The following PLCB1 variants were observed in gnomAD, a reference collection of about 807,000 sequenced individuals.
The protein encoded by PLCB1 is 1-phosphatidylinositol 4,5-bisphosphate phosphodiesterase beta-1.
Under a neutral mutation model 161.8 loss-of-function variants are expected in PLCB1, and 46 were observed. That is an observed-to-expected ratio of 0.28 (90% CI 0.22 to 0.36). The LOEUF is 0.36. PLCB1 is among the 10% of genes least tolerant of loss of function. The pLI is 1.00. For synonymous variants in PLCB1, 517 were observed against 503.7 expected (o/e 1.03, Z -0.35); for missense variants, 1,016 against 1,472.5 (o/e 0.69, Z 5.07).
chr20:8,233,034 G>A (rs184270397), intron 2 of PLCB1, among the ~76,000 whole-genome samples: 166 of 152,208 alleles, frequency 1.1e-3, no homozygotes, highest in Non-Finnish European at 1.7e-3. Flanking sequence ...CACACTCTTG[G>A]TCCTAGGCAG....
At chr20:8,179,097 G>GA (rs1304286742) in intron 2 of PLCB1, among the ~76,000 whole-genome samples, 2 of 152,132 alleles carry the variant, frequency 1.3e-5, no homozygotes, top group Non-Finnish European at 2.9e-5. Context: ...TTTTGCTTAG[G>GA]ATTGCTTTGG....
At chr20:8,841,276 G>T (rs1295741408) in intron 31 of PLCB1, among the ~76,000 whole-genome samples, 1 of 152,220 alleles carries the variant, frequency 6.6e-6, no homozygotes, top group Non-Finnish European at 1.5e-5. Context: ...TCCTTAAAAT[G>T]TGTGAGTAAT....
intron 3 of PLCB1, among the ~76,000 whole-genome samples, chr20:8,465,250 T>A (rs1373064103): frequency 1.3e-5 from 2 of 152,092 alleles, no homozygotes; most frequent in Non-Finnish European, 2.9e-5. Flanking sequence ...TCCACAGAGG[T>A]AGAGGTGGGA....
intron 25 of PLCB1, among the ~76,000 whole-genome samples, chr20:8,761,790 C>T (rs958016853): frequency 1.3e-5 from 2 of 151,340 alleles, no homozygotes; most frequent in Admixed American, 6.6e-5. Context: ...GACGGTGATT[C>T]GCCACGTTGG....
intron 3 of PLCB1, among the ~76,000 whole-genome samples, chr20:8,476,531 T>C (rs1436229149): frequency 6.6e-6 from 1 of 152,228 alleles, no homozygotes; most frequent in African/African-American, 2.4e-5. Context: ...AGATACTATA[T>C]TAAAACTATC....
At position 8,884,279 on chromosome 20, in the gene PLCB1, A is replaced by T. The variant is rs574671051; in HGVS notation, c.*2430A>T. Reference sequence around the variant, plus strand: ...TTAATATTACTTGAAATAGACTAAGATAAAGAAAAGGGGTCTGTATGATGT... The same window carrying T: ...TTAATATTACTTGAAATAGACTAAGTTAAAGAAAAGGGGTCTGTATGATGT... On this transcript the variant is annotated 3_prime_UTR_variant, in exon 32 of 32. Transcript: ENST00000338037. 1 of 152,726 alleles carries T rather than the reference A, an allele frequency of 6.5e-6. No homozygotes were observed. Among genetic ancestry groups the T allele is most frequent in the East Asian group, 1.9e-4 (1 of 5,190 alleles). 9.5% of individuals were successfully genotyped at this position (152,726 alleles called of 1,614,324 possible).
At chr20:8,830,389 T>C (rs1222729768) in intron 31 of PLCB1, among the ~76,000 whole-genome samples, 1 of 152,226 alleles carries the variant, frequency 6.6e-6, no homozygotes, top group Non-Finnish European at 1.5e-5. Context: ...GCTCCAGCTT[T>C]TGTTTTAGCA....
chr20:8,644,891 G>A (rs1429430221), intron 4 of PLCB1, among the ~76,000 whole-genome samples: 3 of 152,224 alleles, frequency 2.0e-5, no homozygotes, highest in Non-Finnish European at 2.9e-5. Flanking sequence ...AGAAAGGGGG[G>A]AAAGGTGGGG....
chr20:8,416,247 C>G (rs1350226594), intron 3 of PLCB1, among the ~76,000 whole-genome samples: 4 of 152,028 alleles, frequency 2.6e-5, no homozygotes, highest in Admixed American at 2.6e-4. Context: ...TTTTTCTGAT[C>G]TTTGTATGCA....
chr20:8,422,801 G>A (rs1029392387), intron 3 of PLCB1, among the ~76,000 whole-genome samples: 3 of 152,184 alleles, frequency 2.0e-5, no homozygotes, highest in Admixed American at 1.3e-4. Flanking sequence ...CCAGATGGCA[G>A]AGGGGGCTGT....
At chr20:8,238,178 G>T (rs1480726429) in intron 2 of PLCB1, among the ~76,000 whole-genome samples, 4 of 152,046 alleles carry the variant, frequency 2.6e-5, no homozygotes, top group African/African-American at 7.2e-5. Context: ...CTTGGAGGGT[G>T]TTGGTGGGAA....
chr20:8,321,600 T>G (rs922943704), intron 2 of PLCB1, among the ~76,000 whole-genome samples: 2 of 152,176 alleles, frequency 1.3e-5, no homozygotes, highest in Non-Finnish European at 2.9e-5. Context: ...TTAAGTATTT[T>G]ACCGGTACCC....
At chr20:8,272,383 G>T (rs563240679) in intron 2 of PLCB1, among the ~76,000 whole-genome samples, 2 of 151,834 alleles carry the variant, frequency 1.3e-5, no homozygotes, top group South Asian at 4.2e-4. Context: ...ACAAAAGATA[G>T]AAAAAAAATC....
intron 31 of PLCB1, among the ~76,000 whole-genome samples, chr20:8,834,682 G>A (rs2146282583): frequency 6.6e-6 from 1 of 152,042 alleles, no homozygotes; most frequent in African/African-American, 2.4e-5. Flanking sequence ...GGGTGTGGTG[G>A]TGCATGCCTG....
chr20:8,734,111 G>A (rs1336994074), intron 19 of PLCB1, among the ~76,000 whole-genome samples: 1 of 109,178 alleles, frequency 9.2e-6, no homozygotes, highest in African/African-American at 3.6e-5. Flanking sequence ...CTGGGCGACA[G>A]AGCGAGAGAG....
chr20:8,633,349 G>A (rs535464412), intron 4 of PLCB1, among the ~76,000 whole-genome samples: 39 of 152,204 alleles, frequency 2.6e-4, no homozygotes, highest in African/African-American at 6.0e-4. Context: ...TTTTGGTTAC[G>A]TTCAGTTTGA....
intron 19 of PLCB1, among the ~76,000 whole-genome samples, chr20:8,735,772 A>G (rs1438887748): frequency 6.6e-6 from 1 of 152,170 alleles, no homozygotes; most frequent in Non-Finnish European, 1.5e-5. Flanking sequence ...CTCACATAGA[A>G]CCTCAAGTTA....
chr20:8,657,269 A>C lies in PLCB1; in HGVS notation c.680A>C (p.Asn227Thr). ...CTTTGCCCTCGACCTGAAATTGATA[A>C]CATCTTTTCAGAATTGTAAGAGTAC... ...NNLCPRPEID[N>T]IFSEFGAKSK... Residue 227 changes from asparagine to threonine, a missense_variant, in exon 8 of 32, where the codon AAC becomes ACC. Physicochemically the swap from Asn to Thr is moderately conservative, Grantham distance 65. Coordinates refer to ENST00000338037, the MANE Select transcript of PLCB1 (RefSeq NM_015192.4). The C allele has an allele frequency of 6.3e-7, 1 of 1,589,160 alleles. No individual in the cohort carries two copies. The highest frequency in any genetic ancestry group is 8.6e-7 in the Non-Finnish European group (1 of 1,157,488).
intron 2 of PLCB1, among the ~76,000 whole-genome samples, chr20:8,319,553 G>A (rs1412754619): frequency 2.6e-5 from 4 of 151,980 alleles, no homozygotes; most frequent in Admixed American, 2.6e-4. Context: ...AAGCTAGCTA[G>A]AATGAAGACT....
Sources: allele counts gnomAD v4.1 joint callset (sites outside exome capture counted in the v4.1 genomes callset), GRCh38; gene constraint gnomAD v4.1.1; transcripts MANE v1.5; gene names NCBI Gene and HGNC (gene_info 2026-07-23, HGNC 2026-07-21).